The following AK9 variants were observed in gnomAD, a reference collection of about 807,000 sequenced individuals.
AK9 encodes the protein adenylate kinase domain containing 1.
A neutral mutation model predicts 239.6 loss-of-function variants in AK9; 191 were observed. The ratio of observed to expected loss-of-function variants is 0.80; its 90% CI spans 0.71 to 0.90. The LOEUF (loss-of-function observed/expected upper bound fraction) is 0.90, where lower values mean the gene tolerates loss of function less well. Among genes scored for constraint, AK9 ranks in the 40% least tolerant of loss-of-function variants. AK9 has a pLI of 0.00. For missense variants in AK9, 1,995 were observed against 2,214.7 expected (o/e 0.90, Z 1.99); for synonymous variants, 689 against 721.0 (o/e 0.96, Z 0.71).
At position 109,582,951 on chromosome 6, in the gene AK9, T is replaced by C. The variant is rs139981860; in HGVS notation, c.2114+2172A>G. 2.4e-3 allele frequency among the ~76,000 whole-genome samples: 368 copies of C among 152,286 alleles called. 3 individuals carry two copies. Among genetic ancestry groups the C allele is most frequent in the African/African-American group, 8.5e-3 (354 of 41,566 alleles). On this transcript the variant is annotated intron_variant, in intron 19 of 40. Coordinates refer to ENST00000424296, the MANE Select transcript of AK9 (RefSeq NM_001145128.3). Reference sequence around the variant, plus strand: ...GCAAAACCTTCCACCAGGAAAATGATTGACTCACTAAAGGCTCAGATGATC... The same window carrying C: ...GCAAAACCTTCCACCAGGAAAATGACTGACTCACTAAAGGCTCAGATGATC...
At chr6:109,606,882 A>G (rs1792953853) in intron 17 of AK9, among the ~76,000 whole-genome samples, 1 of 152,232 alleles carries the variant, frequency 6.6e-6, no homozygotes, top group African/African-American at 2.4e-5. Context: ...TGGTAGAAAC[A>G]ATATCTATCA....
chr6:109,522,910 A>C (rs141815260), intron 29 of AK9, among the ~76,000 whole-genome samples: 11 of 152,288 alleles, frequency 7.2e-5, no homozygotes, highest in East Asian at 5.8e-4. Flanking sequence ...ATCTTGCCCC[A>C]AAAATAAAAG....
At chr6:109,596,977 T>A (rs1160663891) in intron 17 of AK9, among the ~76,000 whole-genome samples, 1 of 152,224 alleles carries the variant, frequency 6.6e-6, no homozygotes, top group African/African-American at 2.4e-5. Context: ...CTTAATTTGT[T>A]TAATCACCCC....
At chr6:109,617,370 A>G (rs1041542640) in intron 13 of AK9, among the ~76,000 whole-genome samples, 6 of 152,250 alleles carry the variant, frequency 3.9e-5, no homozygotes, top group African/African-American at 1.4e-4. Flanking sequence ...ACAACTTAAA[A>G]CAAAATGTTT....
chr6:109,564,781 C>T lies in AK9; in HGVS notation c.2409G>A (p.Leu803=). 1 of 1,545,454 alleles carries T rather than the reference C, an allele frequency of 6.5e-7. No individual in the cohort carries two copies. Among genetic ancestry groups the T allele is most frequent in the Non-Finnish European group, 8.7e-7 (1 of 1,143,998 alleles). ...TEIPKGSKEG[L]EIEKLSETVV... ...CTGTTTCAGATAATTTTTCAATTTC[C>T]AGGCCCTCTTTGGATCCTTTTGGGA... The change falls in exon 22 of 41, where the codon CTG becomes CTA. Residue 803 remains leucine (L), a synonymous_variant. Transcript: ENST00000424296.
rs1263704884 is a variant in AK9, at chr6:109,514,332, C to T, written c.4171G>A (p.Glu1391Lys). Residue 1391 changes from glutamate to lysine, a missense_variant, in exon 32 of 41, where the codon GAA (glutamate) becomes AAA (lysine). This residue lies in a region of AK9 where 1,290 missense variants were observed against 1,392.7 expected (regional missense o/e 0.93). Coordinates refer to ENST00000424296, the MANE Select transcript of AK9 (RefSeq NM_001145128.3). ...IYFLSSKETK[E>K]KFMKNPIKYI... ...TTGATTGGGTTCTTCATAAATTTTT[C>T]TTTTGTTTCTTTACTAGATAAAAAA... 1 of 1,551,124 alleles carries T rather than the reference C, an allele frequency of 6.4e-7. No individual in the cohort carries two copies. Among genetic ancestry groups the T allele is most frequent in the Middle Eastern group, 1.7e-4 (1 of 5,986 alleles).
At chr6:109,586,139 TA>T (rs1306050161) in intron 17 of AK9, 67 bp from the exon 18 acceptor site, 12 of 1,284,452 alleles carry the variant, frequency 9.3e-6, no homozygotes, top group Non-Finnish European at 1.2e-5. Context: ...CCTTGATATG[TA>T]ATTTTTGTGG....
chr6:109,546,676 C>T (rs765364919), intron 25 of AK9, among the ~76,000 whole-genome samples: 5 of 152,136 alleles, frequency 3.3e-5, no homozygotes, highest in African/African-American at 7.2e-5. Context: ...CAAGGAGGAA[C>T]GGGGCTTCTT....
At chr6:109,588,653 T>C (rs552410878) in intron 17 of AK9, among the ~76,000 whole-genome samples, 1 of 152,330 alleles carries the variant, frequency 6.6e-6, no homozygotes, top group South Asian at 2.1e-4. Context: ...AGTTATAAAT[T>C]CTTTGCCTAA....
chr6:109,527,799 C>G (rs1455599930), intron 29 of AK9: 1 of 152,028 alleles, frequency 6.6e-6, no homozygotes, highest in Non-Finnish European at 1.5e-5. Flanking sequence ...AATGAAAAAT[C>G]AGAAGAAATC....
chr6:109,524,713 CTATT>C (rs1780254629), intron 29 of AK9, among the ~76,000 whole-genome samples: 1 of 152,074 alleles, frequency 6.6e-6, no homozygotes, highest in Non-Finnish European at 1.5e-5. Flanking sequence ...ATACATGTGA[CTATT>C]TAATATAAAC....
chr6:109,666,228 T>C (rs1273446180), intron 5 of AK9, among the ~76,000 whole-genome samples: 1 of 152,166 alleles, frequency 6.6e-6, no homozygotes, highest in Non-Finnish European at 1.5e-5. Flanking sequence ...CATCTAAGTT[T>C]GTCTCACCAT....
rs201111888 is a variant in AK9 at position 109,577,443 on chromosome 6, C to CT, written c.2191+2106dup. Among the ~76,000 whole-genome samples the CT allele has an allele frequency of 3.7e-4, 53 of 145,116 alleles. No individual in the cohort carries two copies. The South Asian group carries it at 6.1e-3, about 17-fold the overall frequency. On this transcript the variant is annotated intron_variant, in intron 20 of 40. Coordinates refer to ENST00000424296, the MANE Select transcript of AK9 (RefSeq NM_001145128.3). ...TTCAACAGGGATATTGGTCTGGTTC[C>CT]TTTTTTTTTTAATGTCCTTTCTTGG... is the stretch of plus-strand genomic sequence containing the variant.
intron 27 of AK9, among the ~76,000 whole-genome samples, chr6:109,534,439 T>G (rs2128137108): frequency 6.7e-6 from 1 of 150,164 alleles, no homozygotes; most frequent in East Asian, 1.9e-4. Flanking sequence ...AAATTTGGTT[T>G]GTTTTTAATA....
chr6:109,641,343 T>C (rs1186596759), intron 10 of AK9, among the ~76,000 whole-genome samples, 175 bp downstream of exon 10: 1 of 118,038 alleles, frequency 8.5e-6, no homozygotes, highest in Admixed American at 9.4e-5. Context: ...AATTTTTTCT[T>C]TCTTTCTTTT....
chr6:109,586,171 G>T, intron 17 of AK9, 99 bp from the exon 18 acceptor site: 1 of 1,049,398 alleles, frequency 9.5e-7, no homozygotes, highest in Non-Finnish European at 1.3e-6. Context: ...AGTATCTTTT[G>T]AGTTCTTCTT....
chr6:109,637,980 A>T (rs577778122), intron 10 of AK9, among the ~76,000 whole-genome samples: 1 of 152,328 alleles, frequency 6.6e-6, no homozygotes, highest in African/African-American at 2.4e-5. Context: ...TTGTGTTTGT[A>T]GTAAGCTTCC....
intron 27 of AK9, among the ~76,000 whole-genome samples, chr6:109,539,655 T>A (rs1351147029): frequency 2.0e-5 from 3 of 152,256 alleles, no homozygotes; most frequent in Non-Finnish European, 4.4e-5. Context: ...AGGAGCTGTG[T>A]TCCTTTGGAG....
At chr6:109,563,371 CT>C (rs999747882) in intron 24 of AK9, among the ~76,000 whole-genome samples, 4 of 151,712 alleles carry the variant, frequency 2.6e-5, no homozygotes, top group African/African-American at 7.3e-5. Context: ...AAAACTTAAA[CT>C]TTTTTTCCAT....
Sources: allele counts gnomAD v4.1 joint callset (sites outside exome capture counted in the v4.1 genomes callset), GRCh38; gene constraint gnomAD v4.1.1; regional missense constraint gnomAD v4.1.1; transcripts MANE v1.5; gene names NCBI Gene and HGNC (gene_info 2026-07-23, HGNC 2026-07-21).